Variants in MET observed in about 807,000 individuals in gnomAD.
MET encodes hepatocyte growth factor receptor.
Under a neutral mutation model 133.1 loss-of-function variants are expected in MET, and 48 were observed. The observed-to-expected ratio is 0.36, with a 90% confidence interval of 0.29 to 0.46. The LOEUF is 0.46. Ranked by LOEUF, MET falls within the 20% of genes least tolerant of loss-of-function variation. The pLI is 1.00. For synonymous variants in MET, 628 were observed against 616.5 expected (o/e 1.02, Z -0.28); for missense variants, 1,442 against 1,695.9 (o/e 0.85, Z 2.63).
rs747777018 is a variant in MET, at chr7:116,699,134, C to T, written c.50C>T (p.Thr17Ile). Residue 17 changes from threonine to isoleucine, a missense_variant, in exon 2 of 21, where the codon ACC becomes ATC. By Grantham distance (89) the Thr-to-Ile change is moderately conservative (BLOSUM62 -1). Coordinates refer to ENST00000397752, the MANE Select transcript of MET (RefSeq NM_000245.4). ...CCTGGCATCCTCGTGCTCCTGTTTA[C>T]CTTGGTGCAGAGGAGCAATGGGGAG... ...LAPGILVLLF[T>I]LVQRSNGECK... 3 of 1,613,866 alleles carry T rather than the reference C, an allele frequency of 1.9e-6. No homozygotes were observed. Among genetic ancestry groups the T allele is most frequent in the Non-Finnish European group, 2.5e-6 (3 of 1,179,860 alleles).
At chr7:116,779,058 G>A (rs1795077695) in intron 17 of MET, 101 bp downstream of exon 17, 7 of 1,171,474 alleles carry the variant, frequency 6.0e-6, no homozygotes, top group Non-Finnish European at 8.7e-6. Context: ...AGTAGCCAAA[G>A]ATGCACATTT....
At chr7:116,790,598 C>T (rs60604040) in intron 19 of MET, among the ~76,000 whole-genome samples, 7,142 of 152,156 alleles carry the variant, frequency 0.047, 224 homozygotes, top group African/African-American at 0.077. Flanking sequence ...CTTTGAGATC[C>T]TTTTTTTCAA....
At chr7:116,700,391 T>C (rs1198687410) in intron 2 of MET, 107 bp downstream of exon 2, 4 of 1,301,554 alleles carry the variant, frequency 3.1e-6, no homozygotes, top group Non-Finnish European at 4.1e-6. Context: ...GTAAATGGTG[T>C]TTATCCAAAA....
At chr7:116,770,258 A>G (rs1329809230) in intron 12 of MET, among the ~76,000 whole-genome samples, 1 of 152,190 alleles carries the variant, frequency 6.6e-6, no homozygotes, top group Non-Finnish European at 1.5e-5. Context: ...AGACAACTGA[A>G]TCAAACAAGC....
At chr7:116,793,428 G>A (rs564909330) in intron 19 of MET, among the ~76,000 whole-genome samples, 192 of 150,666 alleles carry the variant, frequency 1.3e-3, no homozygotes, top group Non-Finnish European at 2.1e-3. Flanking sequence ...GCCCACCCCC[G>A]CCTCCCAAAG....
chr7:116,677,182 A>G (rs1181711739), intron 1 of MET, among the ~76,000 whole-genome samples: 1 of 151,944 alleles, frequency 6.6e-6, no homozygotes, highest in African/African-American at 2.4e-5. Flanking sequence ...GATCCCTTCC[A>G]TAGTATAAAT....
At chr7:116,716,662 T>C (rs1184777056) in intron 2 of MET, among the ~76,000 whole-genome samples, 4 of 152,332 alleles carry the variant, frequency 2.6e-5, no homozygotes, top group African/African-American at 7.2e-5. Context: ...AGAAAAGTGA[T>C]GGCTTTGAAC....
chr7:116,758,424 AGC>A lies in MET; in HGVS notation c.2103-34_2103-33del, dbSNP rs768140276. Reference sequence around the variant, plus strand: ...ATTCTAAAATATGTGTATCTCTAATAGCTAAAATTCACTTCCTTAATTTTTTT... The same window carrying A: ...ATTCTAAAATATGTGTATCTCTAATATAAAATTCACTTCCTTAATTTTTTT... On this transcript the variant is annotated intron_variant, in intron 8 of 20. Coordinates refer to ENST00000397752, the MANE Select transcript of MET (RefSeq NM_000245.4). 8 of 1,590,620 alleles carry A rather than the reference AGC, an allele frequency of 5.0e-6. No individual in the cohort carries two copies. The South Asian group carries it at 8.8e-5, about 18-fold the overall frequency.
At position 116,754,983 on chromosome 7, in the gene MET, GGAAAGAAAGAAAGAAA is replaced by G. The variant is rs10674901; in HGVS notation, c.1702-327_1702-312del. ...AAAGAGAAGGAAGGAAGCAGAGAAAGGAAAGAAAGAAAGAAAGAAAGAAAGAAAGAAAGAAAGAAAG... is the reference window on the plus strand; with the variant it reads ...AAAGAGAAGGAAGGAAGCAGAGAAAGGAAAGAAAGAAAGAAAGAAAGAAAG... On this transcript the variant is annotated intron_variant, in intron 5 of 20. Transcript: ENST00000397752. Among the ~76,000 whole-genome samples, 168 of 78,702 alleles carry G rather than the reference GGAAAGAAAGAAAGAAA, an allele frequency of 2.1e-3. 1 individual carries two copies. The highest frequency in any genetic ancestry group is 3.0e-3 in the Non-Finnish European group (114 of 38,568). The allele number at this position is 78,702 out of a possible 152,430, so 51.6% of individuals were successfully genotyped here. A position where few individuals can be genotyped will look rare whatever the true frequency, so the allele number is the denominator to read the frequency against.
chr7:116,716,284 GGAGAGAGAGAGAGA>G (rs564115135), intron 2 of MET, among the ~76,000 whole-genome samples: 2,466 of 38,024 alleles, frequency 0.065, 42 homozygotes, highest in Non-Finnish European at 0.07. Flanking sequence ...AGGGAGAGAG[GGAGAGAGAGAGAGA>G]GAGAGAGAGA....
At chr7:116,746,875 T>C (rs1321563617) in intron 5 of MET, among the ~76,000 whole-genome samples, 1 of 152,064 alleles carries the variant, frequency 6.6e-6, no homozygotes, top group Non-Finnish European at 1.5e-5. Context: ...CATGTATACA[T>C]ATGTAACAAA....
At chr7:116,747,359 G>T (rs1256638571) in intron 5 of MET, among the ~76,000 whole-genome samples, 1 of 148,648 alleles carries the variant, frequency 6.7e-6, no homozygotes, top group Non-Finnish European at 1.5e-5. Flanking sequence ...AAGACCCATT[G>T]GTGTGCTGTA....
chr7:116,797,440 T>C lies in MET; in HGVS notation c.*1316T>C, dbSNP rs1479092984. On this transcript the variant is annotated 3_prime_UTR_variant, in exon 21 of 21. Coordinates refer to ENST00000397752, the MANE Select transcript of MET (RefSeq NM_000245.4). ...GGTGTGTTTTATGTTAAGCAAAACA[T>C]ACTTTAGAAACAAATGAAAAAGGCA... 3 of 228,138 alleles carry C rather than the reference T, an allele frequency of 1.3e-5. No homozygotes were observed. Among genetic ancestry groups the C allele is most frequent in the Non-Finnish European group, 2.6e-5 (3 of 114,768 alleles). The allele number at this position is 228,138 out of a possible 1,614,324, so 14.1% of individuals were successfully genotyped here.
At position 116,795,719 on chromosome 7, in the gene MET, A is replaced by G. The variant is rs2117108228; in HGVS notation, c.3863A>G (p.Asn1288Ser). ...GGAGCCCCACCTTATCCTGACGTAA[A>G]CACCTTTGATATAACTGTTTACTTG... ...TRGAPPYPDV[N>S]TFDITVYLLQ... Residue 1288 changes from asparagine (N) to serine (S), a missense_variant, in exon 20 of 21, where the codon AAC becomes AGC. Physicochemically the swap from Asn to Ser is conservative, Grantham distance 46 (BLOSUM62 1). Coordinates refer to ENST00000397752, the MANE Select transcript of MET (RefSeq NM_000245.4). 1 of 1,614,070 alleles carries G rather than the reference A, an allele frequency of 6.2e-7. No homozygotes were observed. Among genetic ancestry groups the G allele is most frequent in the Non-Finnish European group, 8.5e-7 (1 of 1,180,016 alleles).
chr7:116,677,264 C>T (rs913503649), intron 1 of MET, among the ~76,000 whole-genome samples: 5 of 152,192 alleles, frequency 3.3e-5, no homozygotes, highest in African/African-American at 7.2e-5. Context: ...CTTTCCCCCT[C>T]GCTCTCCTTC....
rs1584943661 is a variant in MET, at chr7:116,759,353, C to T, written c.2265-38C>T. ...CTCTTACAGTACTTGGTGGAAAGAA[C>T]CTCTCAACATTGTCAGTTTTCTATT... On this transcript the variant is annotated intron_variant, in intron 9 of 20. Transcript: ENST00000397752. The T allele has an allele frequency of 1.2e-6, 2 of 1,600,506 alleles. No homozygotes were observed. The highest frequency in any genetic ancestry group is 1.7e-6 in the Non-Finnish European group (2 of 1,172,540).
chr7:116,740,033 G>A lies in MET; in HGVS notation c.1476G>A (p.Val492=), dbSNP rs528788133. 1 of 1,614,084 alleles carries A rather than the reference G, an allele frequency of 6.2e-7. No individual in the cohort carries two copies. The highest frequency in any genetic ancestry group is 1.7e-5 in the Admixed American group (1 of 60,014). ...ATCCAGTGTCTCCAGAAGTGATTGT[G>A]GAGCATACATTAAACCAAAATGGCT... ...DSHPVSPEVI[V]EHTLNQNGYT... Residue 492 remains valine (V), a synonymous_variant, in exon 4 of 21, where the codon GTG becomes GTA. Transcript: ENST00000397752.
chr7:116,718,533 G>A (rs1462908828), intron 2 of MET, among the ~76,000 whole-genome samples: 4 of 151,084 alleles, frequency 2.6e-5, no homozygotes, highest in South Asian at 2.1e-4. Context: ...GGATACATGT[G>A]CACATTGTGC....
intron 1 of MET, among the ~76,000 whole-genome samples, chr7:116,698,251 T>C (rs539458298): frequency 6.6e-6 from 1 of 152,370 alleles, no homozygotes; most frequent in African/African-American, 2.4e-5. Flanking sequence ...ATAGAAATAC[T>C]GTCTATATGC....
Sources: allele counts gnomAD v4.1 joint callset (sites outside exome capture counted in the v4.1 genomes callset), GRCh38; gene constraint gnomAD v4.1.1; transcripts MANE v1.5; gene names NCBI Gene and HGNC (gene_info 2026-07-23, HGNC 2026-07-21).